The following PAK4 variants were observed in gnomAD, a reference collection of about 807,000 sequenced individuals.
The protein encoded by PAK4 is serine/threonine-protein kinase PAK 4.
A neutral mutation model predicts 53.5 loss-of-function variants in PAK4; 49 were observed. The ratio of observed to expected loss-of-function variants is 0.92; its 90% confidence interval spans 0.73 to 1.16. The LOEUF (loss-of-function observed/expected upper bound fraction) is 1.16. PAK4 is among the 50% of genes most tolerant of loss of function. The pLI, the probability that PAK4 is intolerant of heterozygous loss-of-function variation, is 0.00. For missense variants in PAK4, 824 were observed against 850.7 expected (o/e 0.97, Z 0.39); for synonymous variants, 376 against 375.6 (o/e 1.00, Z -0.01).
chr19:39,178,696 C>A lies in PAK4; in HGVS notation c.*117C>A. 1 of 900,822 alleles carries A rather than the reference C, an allele frequency of 1.1e-6. No individual in the cohort carries two copies. The highest frequency in any genetic ancestry group is 1.7e-6 in the Non-Finnish European group (1 of 600,534). The allele number at this position is 900,822 out of a possible 1,614,324, so 55.8% of individuals were successfully genotyped here. ...GCCCGGGAGATGCTCCGCGTGGCAC[C>A]ACCCTCCTTGCTGGGGGTAGATGAG... On this transcript the variant is annotated 3_prime_UTR_variant, in exon 9 of 9. Coordinates refer to ENST00000358301, the Ensembl canonical transcript of PAK4. The surrounding 1 kb of genome is among the most constrained non-coding windows in gnomAD (Gnocchi z 4.4).
At chr19:39,167,394 G>T (rs1445810826) in intron 1 of PAK4, among the ~76,000 whole-genome samples, 1 of 152,158 alleles carries the variant, frequency 6.6e-6, no homozygotes, top group Admixed American at 6.5e-5. Flanking sequence ...GGGGTATGTG[G>T]ATGACCCTGG....
At chr19:39,153,811 G>A (rs927812723) in intron 1 of PAK4, among the ~76,000 whole-genome samples, 4 of 152,006 alleles carry the variant, frequency 2.6e-5, no homozygotes, top group Non-Finnish European at 5.9e-5. Context: ...TCGAACTCCT[G>A]GCCTCAAGTA....
At chr19:39,172,977 G>T in exon 3 of PAK4, 1 of 1,549,852 alleles carries the variant, frequency 6.5e-7, no homozygotes, top group South Asian at 1.2e-5. Context: ...TGCTGGACGA[G>T]TTTGAGAACA....
chr19:39,134,144 G>A (rs2073766894), intron 1 of PAK4, among the ~76,000 whole-genome samples: 1 of 152,156 alleles, frequency 6.6e-6, no homozygotes, highest in African/African-American at 2.4e-5. Flanking sequence ...CACGTTATTT[G>A]ACTCTCAAAT....
chr19:39,129,287 TG>T (rs766644126), intron 1 of PAK4, among the ~76,000 whole-genome samples: 28 of 151,818 alleles, frequency 1.8e-4, no homozygotes, highest in Non-Finnish European at 2.9e-4. Context: ...TTTTTCCTGA[TG>T]GTGTTTCTTT....
rs1364745681 is a variant in PAK4, at chr19:39,165,195, G to GATGATA, written c.-22-4335_-22-4334insGATAAT. Among the ~76,000 whole-genome samples the GATGATA allele has an allele frequency of 6.3e-3, 812 of 128,410 alleles. 15 individuals carry two copies. The highest frequency in any genetic ancestry group is 0.022 in the African/African-American group (740 of 33,804). 84.2% of individuals were successfully genotyped at this position (128,410 alleles called of 152,430 possible). On this transcript the variant is annotated intron_variant, in intron 1 of 8. Transcript: ENST00000358301. ...GCCTTGAGAGGATGATGATGATGATGATAATAATAATAATAATAATAATAA... is the reference window on the plus strand; with the variant it reads ...GCCTTGAGAGGATGATGATGATGATGATGATAATAATAATAATAATAATAATAATAA...
At chr19:39,176,607 T>A (rs772487274) in exon 7 of PAK4, 4 of 1,613,864 alleles carry the variant, frequency 2.5e-6, no homozygotes, top group Non-Finnish European at 3.4e-6. Context: ...TGTCAGACTT[T>A]GGGTTCTGCG....
At chr19:39,147,461 C>T (rs1053384312) in intron 1 of PAK4, among the ~76,000 whole-genome samples, 19 of 152,224 alleles carry the variant, frequency 1.2e-4, no homozygotes, top group African/African-American at 3.6e-4. Context: ...CTATAAACCT[C>T]GACAAAGAGG....
intron 1 of PAK4, among the ~76,000 whole-genome samples, chr19:39,137,358 A>G (rs747399385): frequency 6.6e-6 from 1 of 151,972 alleles, no homozygotes; most frequent in Non-Finnish European, 1.5e-5. Flanking sequence ...GAAGCTCTTC[A>G]GGGTGATGAA....
intron 1 of PAK4, among the ~76,000 whole-genome samples, chr19:39,148,109 G>A (rs1235579992): frequency 1.3e-5 from 2 of 151,438 alleles, no homozygotes; most frequent in Admixed American, 6.6e-5. Flanking sequence ...GTGCCACCAC[G>A]TCCAGCTAAT....
intron 1 of PAK4, among the ~76,000 whole-genome samples, chr19:39,152,706 G>A (rs1419243773): frequency 6.6e-6 from 1 of 152,284 alleles, no homozygotes; most frequent in East Asian, 1.9e-4. Context: ...TACGTTTGGG[G>A]GGGTGGAAGA....
Position 39,173,767 on chromosome 19 carries a change from GC to G in PAK4, c.860del (p.Pro287LeufsTer82). ...CCCCCGCCGCCCCTGCTGTTCCTGG[GC>G]CCCCTGGCCCCCGCTCACCACAGCG... On this transcript the variant is annotated frameshift_variant, in exon 4 of 9. Transcript: ENST00000358301. LOFTEE classifies it high-confidence loss of function. The surrounding 1 kb of genome is among the most constrained non-coding windows in gnomAD (Gnocchi z 6.9). The G allele has an allele frequency of 6.3e-7, 1 of 1,592,284 alleles. No individual in the cohort carries two copies. The highest frequency in any genetic ancestry group is 8.5e-7 in the Non-Finnish European group (1 of 1,171,410).
intron 1 of PAK4, among the ~76,000 whole-genome samples, chr19:39,131,787 C>T (rs1293561441): frequency 2.0e-5 from 3 of 152,218 alleles, no homozygotes; most frequent in Non-Finnish European, 4.4e-5. Context: ...CAGGGCTGCT[C>T]AGTCCACACA....
At chr19:39,139,710 A>T (rs76005591) in intron 1 of PAK4, among the ~76,000 whole-genome samples, 1 of 152,162 alleles carries the variant, frequency 6.6e-6, no homozygotes, top group East Asian at 1.9e-4. Flanking sequence ...CCCACTCCCC[A>T]ATCTCCTTAT....
Position 39,176,826 on chromosome 19 carries a change from T to C in PAK4, c.1485+111T>C. The C allele has an allele frequency of 2.3e-6, 3 of 1,332,410 alleles. No homozygotes were observed. In the African/African-American group the frequency reaches 4.3e-5, roughly 19 times the overall value. 82.5% of individuals were successfully genotyped at this position (1,332,410 alleles called of 1,614,324 possible). On this transcript the variant is annotated intron_variant, in intron 7 of 8. Coordinates refer to ENST00000358301, the Ensembl canonical transcript of PAK4. ...CAGTCTGGGGAGTCATTGCCAGGAA[T>C]GGTGCTCTGGACAAGGAGGTACTGC...
rs80201005 is a variant in PAK4 at position 39,161,532 on chromosome 19, A to G, written c.-22-8000A>G. The stretch of plus-strand genomic sequence containing the variant: ...CTGCCCCCTTGATTTCCACTGGGCC[A>G]TCACAGCCTCCTCCTCCCTGGTCCC... On this transcript the variant is annotated intron_variant, in intron 1 of 8. Transcript: ENST00000358301. This position sits in a 1 kb window ranked among gnomAD's most constrained non-coding sequence, Gnocchi z 4.5. Among the ~76,000 whole-genome samples, 1,000 of 148,658 alleles carry G rather than the reference A, an allele frequency of 6.7e-3. 24 individuals carry two copies. Among genetic ancestry groups the G allele is most frequent in the East Asian group, 0.056 (281 of 5,028 alleles).
downstream of PAK4, chr19:39,179,856 T>G (rs908238633): frequency 2.0e-5 from 3 of 152,222 alleles, no homozygotes; most frequent in Non-Finnish European, 4.4e-5. Flanking sequence ...AGTGTGTCCT[T>G]CCACGCAGGA....
intron 1 of PAK4, among the ~76,000 whole-genome samples, chr19:39,166,602 G>A (rs560084961): frequency 6.6e-6 from 1 of 152,336 alleles, no homozygotes; most frequent in East Asian, 1.9e-4. Context: ...CAGAAAGTGA[G>A]GTCATATAGG....
intron 1 of PAK4, among the ~76,000 whole-genome samples, chr19:39,146,328 A>G (rs1333206384): frequency 1.3e-5 from 2 of 152,196 alleles, no homozygotes; most frequent in African/African-American, 2.4e-5. Context: ...GCTCCAGCCT[A>G]GGAAATCAAG....
Sources: gnomAD v4.1 joint callset for allele counts (sites outside exome capture counted in the v4.1 genomes callset) on GRCh38, gnomAD v4.1.1 for gene constraint, Gnocchi (gnomAD v3.1) non-coding constraint, MANE v1.5 for transcripts, NCBI Gene and HGNC (gene_info 2026-07-23, HGNC 2026-07-21) for gene names.